SLC9A4: variants seen among roughly 807,000 people sequenced by gnomAD.
SLC9A4 encodes solute carrier family 9 member A4, also known as sodium/hydrogen exchanger 4.
Under a neutral mutation model 67.4 loss-of-function variants are expected in SLC9A4, and 63 were observed. The ratio of observed to expected loss-of-function variants is 0.93; its 90% CI spans 0.76 to 1.15. The LOEUF (loss-of-function observed/expected upper bound fraction) is 1.15. SLC9A4 is among the 50% of genes most tolerant of loss of function. The pLI, the probability that SLC9A4 is intolerant of heterozygous loss-of-function variation, is 0.00. For synonymous variants in SLC9A4, 393 were observed against 367.2 expected (o/e 1.07, Z -0.80); for missense variants, 1,089 against 987.7 (o/e 1.10, Z -1.38).
chr2:102,512,255 A>C lies in SLC9A4; in HGVS notation c.1541A>C (p.His514Pro), dbSNP rs1685179988. 6.2e-7 allele frequency: 1 copy of C among 1,614,146 alleles called. No individual in the cohort carries two copies. The highest frequency in any genetic ancestry group is 8.5e-7 in the Non-Finnish European group (1 of 1,179,990). Reference sequence around the variant, plus strand: ...GAAGATGTGTGTGGGCACTGGAGTCACTACCAAGTGAGAGACAAGTAAGGA... The same window carrying C: ...GAAGATGTGTGTGGGCACTGGAGTCCCTACCAAGTGAGAGACAAGTAAGGA... ...GIEDVCGHWSHYQVRDKFKKF... is the reference protein window; with the variant it reads ...GIEDVCGHWSPYQVRDKFKKF... Residue 514 changes from histidine to proline, a missense_variant, in exon 7 of 12, where the codon CAC becomes CCC. By Grantham distance (77) the His-to-Pro change is moderately conservative (BLOSUM62 -2). Coordinates refer to ENST00000295269, the MANE Select transcript of SLC9A4 (RefSeq NM_001011552.4).
rs5833020 is a variant in SLC9A4, at chr2:102,488,548, C to CT, written c.720+9264dup. ...GCTGAGAGACCATGAAATCTAATTC[C>CT]TTTTTTTTTTTTTTTTTTGAGACGG... is the stretch of plus-strand genomic sequence containing the variant. On this transcript the variant is annotated intron_variant, in intron 2 of 11. Transcript: ENST00000295269. Among the ~76,000 whole-genome samples, 302 of 123,998 alleles carry CT rather than the reference C, an allele frequency of 2.4e-3. 3 individuals are homozygous for CT. Among genetic ancestry groups the CT allele is most frequent in the African/African-American group, 7.7e-3 (233 of 30,196 alleles). 81.3% of individuals were successfully genotyped at this position (123,998 alleles called of 152,430 possible).
intron 2 of SLC9A4, among the ~76,000 whole-genome samples, chr2:102,498,406 G>C (rs1684855083): frequency 6.6e-6 from 1 of 152,208 alleles, no homozygotes; most frequent in South Asian, 2.1e-4. Flanking sequence ...GGACAGTCTG[G>C]GTAGCTACTA....
At chr2:102,487,275 T>A (rs1171901404) in intron 2 of SLC9A4, among the ~76,000 whole-genome samples, 2 of 151,696 alleles carry the variant, frequency 1.3e-5, no homozygotes, top group Non-Finnish European at 2.9e-5. Context: ...CCACTATAGC[T>A]TGTGATGAAG....
rs1421084218 is a variant in SLC9A4 at position 102,508,937 on chromosome 2, A to G, written c.1488+4A>G. ...CAATGAAGAGCTTCATATTCGTGTAAGTTATCTCATAGTCACAATTAATAA... is the reference window on the plus strand; with the variant it reads ...CAATGAAGAGCTTCATATTCGTGTAGGTTATCTCATAGTCACAATTAATAA... On this transcript the variant is annotated splice_donor_region_variant and intron_variant, in intron 6 of 11. Transcript: ENST00000295269. 2 of 1,603,526 alleles carry G rather than the reference A, an allele frequency of 1.2e-6. No homozygotes were observed. Among genetic ancestry groups the G allele is most frequent in the African/African-American group, 1.3e-5 (1 of 74,274 alleles).
At chr2:102,524,015 C>A (rs1412259068) in intron 9 of SLC9A4, among the ~76,000 whole-genome samples, 1 of 152,208 alleles carries the variant, frequency 6.6e-6, no homozygotes, top group East Asian at 1.9e-4. Context: ...TAGCTGCACG[C>A]ATAGCATCTT....
rs1166836841 is a variant in SLC9A4, at chr2:102,508,832, T to A, written c.1402-15T>A. On this transcript the variant is annotated splice_polypyrimidine_tract_variant and intron_variant, in intron 5 of 11. Coordinates refer to ENST00000295269, the MANE Select transcript of SLC9A4 (RefSeq NM_001011552.4). ...CATTACAACAAAACCCTTTGTTTTG[T>A]TATTTCTGATCTAGGGAATCACAGT... 1 of 1,599,572 alleles carries A rather than the reference T, an allele frequency of 6.3e-7. No individual in the cohort carries two copies. Among genetic ancestry groups the A allele is most frequent in the East Asian group, 2.2e-5 (1 of 44,758 alleles).
intron 2 of SLC9A4, among the ~76,000 whole-genome samples, chr2:102,499,225 A>C (rs1381078098): frequency 6.6e-6 from 1 of 152,182 alleles, no homozygotes; most frequent in Non-Finnish European, 1.5e-5. Context: ...TAGAGATCTG[A>C]GGGGCTCTGA....
Position 102,508,062 on chromosome 2 carries a change from C to A in SLC9A4, c.1199-17C>A, listed in dbSNP as rs201793078. ...GTTCATGATCCTCTGCTCTAATACA[C>A]GTTTCCCCCTTTCTAGGCGTATTTG... is the stretch of plus-strand genomic sequence containing the variant. On this transcript the variant is annotated splice_polypyrimidine_tract_variant and intron_variant, in intron 4 of 11. Transcript: ENST00000295269. The A allele has an allele frequency of 6.2e-7, 1 of 1,612,084 alleles. No homozygotes were observed. Among genetic ancestry groups the A allele is most frequent in the Non-Finnish European group, 8.5e-7 (1 of 1,178,108 alleles).
intron 2 of SLC9A4, 125 bp from the exon 3 acceptor site, chr2:102,503,323 G>A (rs941919639): frequency 2.3e-6 from 2 of 881,142 alleles, no homozygotes; most frequent in African/African-American, 1.7e-5. Context: ...AGTCATCTTA[G>A]TATTTTTTGT....
chr2:102,521,466 G>C (rs942151763), intron 9 of SLC9A4, among the ~76,000 whole-genome samples: 5 of 152,146 alleles, frequency 3.3e-5, no homozygotes, highest in African/African-American at 7.2e-5. Flanking sequence ...GGAGCCAAAT[G>C]GGGAGAACAC....
intron 7 of SLC9A4, 89 bp downstream of exon 7, chr2:102,512,362 G>A (rs1685182737): frequency 6.9e-7 from 1 of 1,445,938 alleles, no homozygotes; most frequent in Non-Finnish European, 9.7e-7. Flanking sequence ...TCAGGGAATG[G>A]AGACCAAGAA....
At chr2:102,517,555 T>G (rs1227526047) in intron 8 of SLC9A4, among the ~76,000 whole-genome samples, 2 of 152,208 alleles carry the variant, frequency 1.3e-5, no homozygotes, top group African/African-American at 2.4e-5. Context: ...AGGGTAACTA[T>G]AGTTAACACT....
rs375014728 is a variant in SLC9A4 at position 102,517,809 on chromosome 2, TG to T, written c.1722-2049del. Among the ~76,000 whole-genome samples the T allele has an allele frequency of 2.1e-3, 313 of 152,316 alleles. 2 individuals are homozygous for T. Among genetic ancestry groups the T allele is most frequent in the African/African-American group, 7.1e-3 (295 of 41,568 alleles). On this transcript the variant is annotated intron_variant, in intron 8 of 11. Transcript: ENST00000295269. Reference sequence around the variant, plus strand: ...TACGTAGGTTCAGATTTTTCCAGTTTGATTGAAATTATTGCAGAACTTTTAT... The same window carrying T: ...TACGTAGGTTCAGATTTTTCCAGTTTATTGAAATTATTGCAGAACTTTTAT...
At position 102,479,029 on chromosome 2, in the gene SLC9A4, G is replaced by A; in HGVS notation, c.447G>A (p.Arg149=). 6.2e-7 allele frequency: 1 copy of A among 1,614,198 alleles called. No individual in the cohort carries two copies. Among genetic ancestry groups the A allele is most frequent in the Non-Finnish European group, 8.5e-7 (1 of 1,180,050 alleles). The part of the protein sequence containing the change: ...VLEGGYFMPT[R]PFFENIGSIL... ...AGGGCGGCTACTTCATGCCCACCCG[G>A]CCCTTCTTTGAGAACATCGGCTCCA... Residue 149 remains arginine (R), a synonymous_variant, in exon 2 of 12, where the codon CGG becomes CGA. Transcript: ENST00000295269.
Position 102,508,064 on chromosome 2 carries a change from T to G in SLC9A4, c.1199-15T>G. ...TCATGATCCTCTGCTCTAATACACG[T>G]TTCCCCCTTTCTAGGCGTATTTGCT... On this transcript the variant is annotated splice_polypyrimidine_tract_variant and intron_variant, in intron 4 of 11. Transcript: ENST00000295269. The G allele has an allele frequency of 6.2e-7, 1 of 1,613,060 alleles. No individual in the cohort carries two copies. Among genetic ancestry groups the G allele is most frequent in the Admixed American group, 1.7e-5 (1 of 60,014 alleles).
intron 2 of SLC9A4, 85 bp from the exon 3 acceptor site, chr2:102,503,362 AC>A (rs1241178856): frequency 6.4e-6 from 8 of 1,257,446 alleles, no homozygotes; most frequent in Middle Eastern, 5.0e-4. Flanking sequence ...GTATTACTTA[AC>A]TAGACACAAA....
chr2:102,479,228 G>A lies in SLC9A4; in HGVS notation c.646G>A (p.Glu216Lys). The change falls in exon 2 of 12, where the codon GAG becomes AAG. Residue 216 changes from glutamate (E) to lysine (K), a missense_variant. Coordinates refer to ENST00000295269, the MANE Select transcript of SLC9A4 (RefSeq NM_001011552.4). ...VDPVAVLAVFEEARVNEQLYM... is the reference protein window; with the variant it reads ...VDPVAVLAVFKEARVNEQLYM... ...CCCAGTGGCCGTGCTAGCCGTGTTT[G>A]AGGAAGCGCGCGTGAACGAGCAGCT... 2 of 1,614,174 alleles carry A rather than the reference G, an allele frequency of 1.2e-6. No individual in the cohort carries two copies. The highest frequency in any genetic ancestry group is 1.7e-6 in the Non-Finnish European group (2 of 1,180,032).
intron 2 of SLC9A4, among the ~76,000 whole-genome samples, chr2:102,501,317 C>G (rs1558665287): frequency 1.3e-5 from 2 of 152,262 alleles, no homozygotes; most frequent in South Asian, 4.1e-4. Context: ...GATACGGTTT[C>G]ACCACGTTGC....
rs550096805 is a variant in SLC9A4, at chr2:102,508,575, GT to G, written c.1402-268del. Among the ~76,000 whole-genome samples, 429 of 152,278 alleles carry G rather than the reference GT, an allele frequency of 2.8e-3. 2 individuals carry two copies. Among genetic ancestry groups the G allele is most frequent in the Middle Eastern group, 0.014 (4 of 294 alleles). Reference sequence around the variant, plus strand: ...TTAGTACTACGTAGCACAAGTTTTTGTTTTAGTTGGAGTTAGCTCTTAATGA... The same window carrying G: ...TTAGTACTACGTAGCACAAGTTTTTGTTTAGTTGGAGTTAGCTCTTAATGA... On this transcript the variant is annotated intron_variant, in intron 5 of 11. Coordinates refer to ENST00000295269, the MANE Select transcript of SLC9A4 (RefSeq NM_001011552.4).
Sources: allele counts gnomAD v4.1 joint callset (sites outside exome capture counted in the v4.1 genomes callset), GRCh38; gene constraint gnomAD v4.1.1; transcripts MANE v1.5; gene names NCBI Gene and HGNC (gene_info 2026-07-23, HGNC 2026-07-21).